CCDC91: variants seen among roughly 807,000 people sequenced by gnomAD.
CCDC91 encodes the protein coiled-coil domain-containing protein 91.
Under a neutral mutation model 63.2 loss-of-function variants are expected in CCDC91, and 48 were observed. The observed-to-expected ratio is 0.76, with a 90% CI of 0.60 to 0.97. CCDC91 has a LOEUF of 0.97. CCDC91 is among the 50% of genes least tolerant of loss of function. The pLI is 0.00. For missense variants in CCDC91, 500 were observed against 494.6 expected (o/e 1.01, Z -0.10); for synonymous variants, 167 against 165.8 (o/e 1.01, Z -0.06).
chr12:28,231,983 T>C (rs1944630143), intron 1 of CCDC91, among the ~76,000 whole-genome samples: 1 of 152,188 alleles, frequency 6.6e-6, no homozygotes, highest in Non-Finnish European at 1.5e-5. Flanking sequence ...ATAATTCTAA[T>C]TTTAGACTTT....
intron 6 of CCDC91, among the ~76,000 whole-genome samples, chr12:28,328,388 T>C (rs558390139): frequency 1.1e-4 from 16 of 152,260 alleles, no homozygotes; most frequent in African/African-American, 3.6e-4. Flanking sequence ...AAATCAGAAT[T>C]AGTGACTATA....
At chr12:28,388,795 G>A (rs1945763637) in intron 7 of CCDC91, among the ~76,000 whole-genome samples, 1 of 152,098 alleles carries the variant, frequency 6.6e-6, no homozygotes, top group Admixed American at 6.6e-5. Flanking sequence ...GGGATAATTG[G>A]CAAGCCACAT....
chr12:28,364,062 G>A (rs1353340772), intron 7 of CCDC91, among the ~76,000 whole-genome samples: 2 of 150,632 alleles, frequency 1.3e-5, no homozygotes, highest in East Asian at 3.9e-4. Flanking sequence ...TATAGTAGTT[G>A]ATGCTCATTG....
At chr12:28,319,637 A>AT (rs1191078260) in intron 6 of CCDC91, among the ~76,000 whole-genome samples, 6 of 151,906 alleles carry the variant, frequency 3.9e-5, no homozygotes, top group Non-Finnish European at 8.8e-5. Flanking sequence ...TAGATTAGTT[A>AT]TAATACCTAA....
At chr12:28,227,764 T>A (rs7304725) in intron 1 of CCDC91, among the ~76,000 whole-genome samples, 8,224 of 152,164 alleles carry the variant, frequency 0.054, 641 homozygotes, top group African/African-American at 0.18. Context: ...TTATCTACAT[T>A]GCCTTATAGC....
At chr12:28,201,446 C>T (rs879184504) in intron 1 of CCDC91, among the ~76,000 whole-genome samples, 6 of 135,888 alleles carry the variant, frequency 4.4e-5, no homozygotes, top group African/African-American at 8.0e-5. Flanking sequence ...CAGGCAGAGA[C>T]GCTCCTCACT....
chr12:28,534,154 A>G (rs1407492821), intron 12 of CCDC91, among the ~76,000 whole-genome samples: 2 of 152,154 alleles, frequency 1.3e-5, no homozygotes, highest in Non-Finnish European at 2.9e-5. Context: ...AACTATGGTT[A>G]TGCTACTGAT....
chr12:28,201,412 C>G (rs60225147), intron 1 of CCDC91, among the ~76,000 whole-genome samples: 28 of 137,108 alleles, frequency 2.0e-4, no homozygotes, highest in Admixed American at 1.9e-3. Context: ...AGAGGCTCTC[C>G]CCACATCTCA....
chr12:28,436,954 T>C (rs969876426), intron 8 of CCDC91, among the ~76,000 whole-genome samples: 2 of 151,676 alleles, frequency 1.3e-5, no homozygotes, highest in Admixed American at 6.6e-5. Context: ...ATCCCAGAAA[T>C]CTTTTTTTTT....
intron 6 of CCDC91, among the ~76,000 whole-genome samples, chr12:28,326,534 A>G (rs567162575): frequency 6.2e-4 from 88 of 142,770 alleles, no homozygotes; most frequent in Non-Finnish European, 1.1e-3. Context: ...ATATCTCCCA[A>G]TGCTATCCCT....
intron 12 of CCDC91, among the ~76,000 whole-genome samples, chr12:28,517,126 C>T (rs1457963849): frequency 1.3e-5 from 2 of 151,942 alleles, no homozygotes; most frequent in Non-Finnish European, 2.9e-5. Flanking sequence ...CTGTGCTAAT[C>T]TATTTCCTCA....
intron 12 of CCDC91, among the ~76,000 whole-genome samples, chr12:28,503,747 A>G (rs1938297188): frequency 6.6e-6 from 1 of 152,318 alleles, no homozygotes; most frequent in African/African-American, 2.4e-5. Context: ...ATGGAATACT[A>G]TGCAGCCATA....
intron 1 of CCDC91, among the ~76,000 whole-genome samples, chr12:28,213,183 T>C (rs1397407492): frequency 1.3e-5 from 2 of 152,212 alleles, no homozygotes; most frequent in Non-Finnish European, 2.9e-5. Context: ...GGGGAATTAA[T>C]TCTGCATTGC....
chr12:28,302,976 G>A (rs1334484586), intron 3 of CCDC91, among the ~76,000 whole-genome samples: 1 of 152,036 alleles, frequency 6.6e-6, no homozygotes, highest in Non-Finnish European at 1.5e-5. Context: ...GAAACTTGTG[G>A]TTTATTGGAG....
chr12:28,318,747 CA>C (rs1054766152), intron 6 of CCDC91, among the ~76,000 whole-genome samples: 47 of 152,076 alleles, frequency 3.1e-4, no homozygotes, highest in African/African-American at 1.1e-3. Context: ...TTGAGAAAAT[CA>C]AATTGTCATT....
intron 12 of CCDC91, among the ~76,000 whole-genome samples, chr12:28,500,701 C>A (rs570433977): frequency 6.6e-6 from 1 of 151,774 alleles, no homozygotes; most frequent in South Asian, 2.1e-4. Flanking sequence ...ATTTCAAGAA[C>A]TATGTCTTAG....
At chr12:28,363,808 C>T (rs193078290) in intron 7 of CCDC91, among the ~76,000 whole-genome samples, 20 of 131,566 alleles carry the variant, frequency 1.5e-4, no homozygotes, top group Middle Eastern at 4.3e-3. Flanking sequence ...ACCCGGGAGG[C>T]GGAGCTTGCA....
intron 7 of CCDC91, among the ~76,000 whole-genome samples, chr12:28,383,080 G>A (rs2139119488): frequency 6.6e-6 from 1 of 152,172 alleles, no homozygotes; most frequent in South Asian, 2.1e-4. Context: ...TTTTCACTGG[G>A]AGACTTTTGT....
intron 1 of CCDC91, among the ~76,000 whole-genome samples, chr12:28,238,516 C>T (rs1305071247): frequency 6.6e-6 from 1 of 152,020 alleles, no homozygotes; most frequent in Non-Finnish European, 1.5e-5. Context: ...CTGATAATAT[C>T]TATTAAAATT....
Sources: allele counts gnomAD v4.1 joint callset (sites outside exome capture counted in the v4.1 genomes callset), GRCh38; gene constraint gnomAD v4.1.1; transcripts MANE v1.5; gene names NCBI Gene and HGNC (gene_info 2026-07-23, HGNC 2026-07-21).